The following PAX5 variants were observed in gnomAD, a reference collection of about 807,000 sequenced individuals.
PAX5 encodes paired box protein Pax-5.
PAX5 carries 9 observed loss-of-function variants against 43.7 expected under a neutral mutation model. That is an observed-to-expected ratio of 0.21 (90% CI 0.12 to 0.36). The LOEUF (loss-of-function observed/expected upper bound fraction) is 0.36. PAX5 is among the 10% of genes least tolerant of loss of function. The pLI is 1.00. For missense variants in PAX5, 383 were observed against 532.7 expected (o/e 0.72, Z 2.77); for synonymous variants, 228 against 214.3 (o/e 1.06, Z -0.56).
In PAX5 at chr9:36,996,042, C is replaced by T. The variant is rs550626377; in HGVS notation, c.604+6606G>A. Among the ~76,000 whole-genome samples the T allele has an allele frequency of 2.4e-4, 37 of 152,364 alleles. No individual in the cohort carries two copies. In the East Asian group the frequency reaches 3.9e-3, roughly 16 times the overall value. On this transcript the variant is annotated intron_variant, in intron 5 of 9. Transcript: ENST00000358127. ...GCACTGTTGTTCAGCCTGGATGCCC[C>T]GGGCTCCCGGCTGCAGGCAATCGGC...
chr9:36,982,132 G>GCA (rs760914880), intron 5 of PAX5, among the ~76,000 whole-genome samples: 4 of 152,156 alleles, frequency 2.6e-5, no homozygotes, highest in Non-Finnish European at 4.4e-5. Context: ...AGGTGTGGTG[G>GCA]CACACACCTG....
chr9:36,864,172 C>G (rs1824562894), intron 8 of PAX5: 1 of 154,208 alleles, frequency 6.5e-6, no homozygotes, highest in African/African-American at 2.4e-5. Context: ...AAGCCCTTTT[C>G]CTCACAGGAG....
At chr9:36,901,097 G>C (rs893416190) in intron 7 of PAX5, among the ~76,000 whole-genome samples, 1 of 151,984 alleles carries the variant, frequency 6.6e-6, no homozygotes, top group South Asian at 2.1e-4. Context: ...GTCTTCCTGC[G>C]AGTCTCATCC....
intron 8 of PAX5, among the ~76,000 whole-genome samples, chr9:36,848,056 T>C (rs191344962): frequency 8.9e-4 from 136 of 152,236 alleles, no homozygotes; most frequent in African/African-American, 3.1e-3. Context: ...CCTTCCCTAC[T>C]GGAGGTGACA....
intron 6 of PAX5, among the ~76,000 whole-genome samples, chr9:36,929,125 A>T (rs545654710): frequency 6.6e-6 from 1 of 152,260 alleles, no homozygotes; most frequent in African/African-American, 2.4e-5. Context: ...TTAGATACAC[A>T]TACTTGCTTA....
At position 36,882,211 on chromosome 9, in the gene PAX5, A is replaced by C. The variant is rs772069461; in HGVS notation, c.911-106T>G. On this transcript the variant is annotated intron_variant, in intron 7 of 9. Transcript: ENST00000358127. The surrounding 1 kb of genome is among the most constrained non-coding windows in gnomAD (Gnocchi z 4.4). ...GCACATTTGTCACGTTTGGACGCTG[A>C]ACGGCAATGTGCCCCCAGCTCCCCC... is the stretch of plus-strand genomic sequence containing the variant. 47 of 851,760 alleles carry C rather than the reference A, an allele frequency of 5.5e-5. No homozygotes were observed. The highest frequency in any genetic ancestry group is 7.5e-5 in the Non-Finnish European group (42 of 558,802). The allele number at this position is 851,760 out of a possible 1,614,324, so 52.8% of individuals were successfully genotyped here. A position where few individuals can be genotyped will look rare whatever the true frequency, so the allele number is the denominator to read the frequency against.
At chr9:36,892,119 AG>A (rs1827450437) in intron 7 of PAX5, among the ~76,000 whole-genome samples, 1 of 152,228 alleles carries the variant, frequency 6.6e-6, no homozygotes, top group Non-Finnish European at 1.5e-5. Flanking sequence ...TGACAAAGTC[AG>A]GGTTCTAATT....
chr9:36,843,069 CGTGTGTGTGCCTGT>C (rs1474443746), intron 9 of PAX5, among the ~76,000 whole-genome samples: 8 of 150,928 alleles, frequency 5.3e-5, no homozygotes, highest in African/African-American at 1.9e-4. Flanking sequence ...AGTGTGTGAG[CGTGTGTGTGCCTGT>C]GTGTGTGTGC....
intron 5 of PAX5, among the ~76,000 whole-genome samples, chr9:36,974,326 G>T (rs1470816583): frequency 6.6e-6 from 1 of 152,156 alleles, no homozygotes; most frequent in Non-Finnish European, 1.5e-5. Flanking sequence ...TAGATAACAG[G>T]GCTGCAAAGC....
At chr9:36,919,506 A>C (rs1829968485) in intron 7 of PAX5, among the ~76,000 whole-genome samples, 1 of 152,218 alleles carries the variant, frequency 6.6e-6, no homozygotes, top group African/African-American at 2.4e-5. Flanking sequence ...AAGTACATTA[A>C]AAACGTTCTG....
intron 9 of PAX5, among the ~76,000 whole-genome samples, chr9:36,843,569 G>A (rs1822281722): frequency 6.6e-6 from 1 of 152,204 alleles, no homozygotes; most frequent in Non-Finnish European, 1.5e-5. Context: ...GCAGTGCAGG[G>A]ACCATTTCTC....
chr9:36,911,624 G>A (rs1331839480), intron 7 of PAX5, among the ~76,000 whole-genome samples: 33 of 152,140 alleles, frequency 2.2e-4, no homozygotes, highest in Non-Finnish European at 5.9e-5. Context: ...TTGTATTTTT[G>A]CTTTCATTAT....
At chr9:37,019,487 C>T (rs1033176894) in intron 2 of PAX5, among the ~76,000 whole-genome samples, 13 of 152,186 alleles carry the variant, frequency 8.5e-5, no homozygotes, top group African/African-American at 2.4e-4. Context: ...AAATTTCTTC[C>T]CTTGGCCTCA....
rs566397475 is a variant in PAX5 at position 37,034,182 on chromosome 9, A to T, written c.-151T>A. 1.6e-5 allele frequency: 9 copies of T among 579,624 alleles called. No homozygotes were observed. The African/African-American group carries it at 1.7e-4, about 11-fold the overall frequency. The allele number at this position is 579,624 out of a possible 1,614,324, so 35.9% of individuals were successfully genotyped here. ...ATTCAAGCCTTCCGCTCCCCCGCCG[A>T]GCTGGGGTAGCTGATCACTGAGCTG... On this transcript the variant is annotated 5_prime_UTR_variant, in exon 1 of 10. Transcript: ENST00000358127.
At chr9:36,901,341 C>T (rs777020480) in intron 7 of PAX5, among the ~76,000 whole-genome samples, 2 of 152,116 alleles carry the variant, frequency 1.3e-5, no homozygotes, top group Non-Finnish European at 2.9e-5. Context: ...TGCTCATTTC[C>T]GTGTGCTCAA....
chr9:36,911,485 C>A (rs1829286269), intron 7 of PAX5, among the ~76,000 whole-genome samples: 1 of 152,234 alleles, frequency 6.6e-6, no homozygotes, highest in South Asian at 2.1e-4. Context: ...ATAGCCAGCC[C>A]AGCATCTTCC....
intron 8 of PAX5, among the ~76,000 whole-genome samples, chr9:36,848,539 G>A (rs892113628): frequency 6.6e-6 from 1 of 152,146 alleles, no homozygotes; most frequent in African/African-American, 2.4e-5. Context: ...GCCCGGCTCC[G>A]GCATATCCAT....
At chr9:36,901,571 C>T (rs909379999) in intron 7 of PAX5, among the ~76,000 whole-genome samples, 10 of 152,194 alleles carry the variant, frequency 6.6e-5, no homozygotes, top group African/African-American at 2.4e-4. Context: ...GAGTGTTAGC[C>T]TCACTTCCAG....
At chr9:37,011,495 G>A (rs1838928861) in intron 3 of PAX5, among the ~76,000 whole-genome samples, 1 of 152,084 alleles carries the variant, frequency 6.6e-6, no homozygotes, top group Non-Finnish European at 1.5e-5. Flanking sequence ...ATAGAAGAAG[G>A]AAGACCCCAT....
Sources: allele counts gnomAD v4.1 joint callset (sites outside exome capture counted in the v4.1 genomes callset), GRCh38; gene constraint gnomAD v4.1.1; non-coding constraint Gnocchi (gnomAD v3.1); transcripts MANE v1.5; gene names NCBI Gene and HGNC (gene_info 2026-07-23, HGNC 2026-07-21).